The following CACNA2D3 variants were observed in gnomAD, a reference collection of about 807,000 sequenced individuals.
The protein encoded by CACNA2D3 is calcium voltage-gated channel auxiliary subunit alpha2delta 3, also known as voltage-dependent calcium channel subunit alpha-2/delta-3.
Under a neutral mutation model 160.6 loss-of-function variants are expected in CACNA2D3, and 60 were observed. That is an observed-to-expected ratio of 0.37 (90% CI 0.30 to 0.46). The LOEUF (loss-of-function observed/expected upper bound fraction) is 0.46, where lower values mean the gene tolerates loss of function less well. Ranked by LOEUF, CACNA2D3 falls within the 20% of genes least tolerant of loss-of-function variation. CACNA2D3 has a pLI of 1.00. For synonymous variants in CACNA2D3, 558 were observed against 492.9 expected, an observed-to-expected ratio of 1.13 and a Z score of -1.75; for missense variants, 1,205 against 1,365.0, an observed-to-expected ratio of 0.88 and a Z score of 1.85.
chr3:54,881,752 G>A (rs1305138646), intron 21 of CACNA2D3, among the ~76,000 whole-genome samples: 1 of 152,180 alleles, frequency 6.6e-6, no homozygotes, highest in Non-Finnish European at 1.5e-5. Context: ...GAATGGGAAG[G>A]TCAATTATAA....
rs577207055 is a variant in CACNA2D3, at chr3:55,045,129, A to G, written c.2987+26812A>G. Reference sequence around the variant, plus strand: ...AGTGGTATGATCTTGGCTCACTGCAACCTCCGCCTCTCAGGTTCAAGTGAT... The same window carrying G: ...AGTGGTATGATCTTGGCTCACTGCAGCCTCCGCCTCTCAGGTTCAAGTGAT... On this transcript the variant is annotated intron_variant, in intron 35 of 37. Transcript: ENST00000474759. Among the ~76,000 whole-genome samples the G allele has an allele frequency of 5.3e-5, 8 of 152,108 alleles. No homozygotes were observed. In the Middle Eastern group the frequency reaches 0.014, roughly 259 times the overall value.
chr3:54,386,099 G>T, intron 3 of CACNA2D3: 2 of 379,630 alleles, frequency 5.3e-6, no homozygotes, highest in South Asian at 4.0e-5. Context: ...TGGCTGAGAA[G>T]AATAACAAGA....
chr3:54,431,165 C>T (rs1251616369), intron 4 of CACNA2D3, among the ~76,000 whole-genome samples: 2 of 151,580 alleles, frequency 1.3e-5, no homozygotes, highest in East Asian at 1.9e-4. Context: ...GGTGAAACCC[C>T]GTCTCTACTA....
intron 18 of CACNA2D3, among the ~76,000 whole-genome samples, chr3:54,872,066 G>C (rs1699547739): frequency 6.6e-6 from 1 of 152,174 alleles, no homozygotes; most frequent in South Asian, 2.1e-4. Flanking sequence ...CACAGCCCTT[G>C]TTTTCAGAGT....
chr3:54,814,370 A>G (rs201093011), intron 13 of CACNA2D3, among the ~76,000 whole-genome samples: 1 of 152,246 alleles, frequency 6.6e-6, no homozygotes, highest in African/African-American at 2.4e-5. Flanking sequence ...TGGAAGGCAT[A>G]TGCCTCAAGA....
intron 17 of CACNA2D3, among the ~76,000 whole-genome samples, chr3:54,868,201 A>G (rs1203226048): frequency 6.6e-6 from 1 of 152,178 alleles, no homozygotes; most frequent in Non-Finnish European, 1.5e-5. Context: ...TTCTCACTCA[A>G]ATTAATCACT....
intron 11 of CACNA2D3, among the ~76,000 whole-genome samples, chr3:54,723,434 G>A (rs1701213408): frequency 1.3e-5 from 2 of 152,158 alleles, no homozygotes; most frequent in Non-Finnish European, 2.9e-5. Context: ...AGGCGCCACT[G>A]GGGTATGGAA....
At chr3:54,273,577 T>C (rs1180460466) in intron 2 of CACNA2D3, among the ~76,000 whole-genome samples, 1 of 152,162 alleles carries the variant, frequency 6.6e-6, no homozygotes, top group Admixed American at 6.5e-5. Flanking sequence ...ACATTAAAGG[T>C]GAGACTTAGA....
intron 11 of CACNA2D3, among the ~76,000 whole-genome samples, chr3:54,731,607 A>G (rs1701387967): frequency 6.6e-6 from 1 of 152,122 alleles, no homozygotes; most frequent in African/African-American, 2.4e-5. Context: ...AAGAGTCAGA[A>G]GTGTCATGAT....
Position 54,830,502 on chromosome 3 carries a change from A to G in CACNA2D3, c.1399-6657A>G, listed in dbSNP as rs1380717343. Among the ~76,000 whole-genome samples, 3 of 149,600 alleles carry G rather than the reference A, an allele frequency of 2.0e-5. No homozygotes were observed. The East Asian group carries it at 6.0e-4, about 30-fold the overall frequency. ...CTTACTCTGCAGTCCAGGCTGTTGC[A>G]CAATGGCACGATATCGGTTTGCTGC... On this transcript the variant is annotated intron_variant, in intron 14 of 37. Transcript: ENST00000474759.
intron 2 of CACNA2D3, among the ~76,000 whole-genome samples, chr3:54,201,205 G>A (rs1212281420): frequency 2.0e-5 from 3 of 152,228 alleles, no homozygotes; most frequent in African/African-American, 7.2e-5. Context: ...ATATATCATT[G>A]GAATTATTTT....
intron 2 of CACNA2D3, among the ~76,000 whole-genome samples, chr3:54,254,050 C>T (rs956732496): frequency 1.4e-4 from 22 of 152,172 alleles, no homozygotes; most frequent in African/African-American, 5.1e-4. Context: ...TAGGTGTGAG[C>T]AACTGCGCCC....
chr3:54,345,184 T>G (rs1419602463), intron 3 of CACNA2D3, among the ~76,000 whole-genome samples: 2 of 152,224 alleles, frequency 1.3e-5, no homozygotes, highest in Non-Finnish European at 2.9e-5. Flanking sequence ...TACGTAGTAA[T>G]AAACTTGCTT....
chr3:54,244,683 A>G (rs1264223400), intron 2 of CACNA2D3, among the ~76,000 whole-genome samples: 1 of 152,250 alleles, frequency 6.6e-6, no homozygotes, highest in Admixed American at 6.5e-5. Flanking sequence ...TCTTGTGTGT[A>G]TGATGAGATC....
At chr3:54,504,849 C>A (rs1701344527) in intron 5 of CACNA2D3, among the ~76,000 whole-genome samples, 1 of 152,142 alleles carries the variant, frequency 6.6e-6, no homozygotes, top group Non-Finnish European at 1.5e-5. Flanking sequence ...AATGATGCTG[C>A]CTCCGTCAGA....
chr3:54,827,231 C>T (rs1363403410), intron 14 of CACNA2D3, among the ~76,000 whole-genome samples: 1 of 152,254 alleles, frequency 6.6e-6, no homozygotes. Flanking sequence ...TTAACTCCTT[C>T]ACTTGTGAAA....
intron 10 of CACNA2D3, chr3:54,639,286 GC>G (rs1382997558): frequency 6.6e-6 from 1 of 151,592 alleles, no homozygotes; most frequent in African/African-American, 2.4e-5. Flanking sequence ...AGGGGTACTT[GC>G]CCCTGCCCCA....
chr3:54,403,687 T>C (rs1041730874), intron 4 of CACNA2D3, among the ~76,000 whole-genome samples: 3 of 151,954 alleles, frequency 2.0e-5, no homozygotes, highest in Non-Finnish European at 2.9e-5. Flanking sequence ...AGAAAAACCA[T>C]AGAAAAAATT....
At chr3:54,576,962 G>A (rs955556463) in intron 8 of CACNA2D3, among the ~76,000 whole-genome samples, 6 of 152,126 alleles carry the variant, frequency 3.9e-5, no homozygotes, top group African/African-American at 1.4e-4. Context: ...GCTTGACCCT[G>A]GGAGGTGGAG....
Sources: gnomAD v4.1 joint callset for allele counts (sites outside exome capture counted in the v4.1 genomes callset) on GRCh38, gnomAD v4.1.1 for gene constraint, MANE v1.5 for transcripts, NCBI Gene and HGNC (gene_info 2026-07-23, HGNC 2026-07-21) for gene names.